The following SEMG1 variants were observed in gnomAD, a reference collection of about 807,000 sequenced individuals.
The protein encoded by SEMG1 is semenogelin-1.
A neutral mutation model predicts 8.8 loss-of-function variants in SEMG1; 6 were observed. The observed-to-expected ratio is 0.68, with a 90% CI of 0.37 to 1.35. SEMG1 has a LOEUF of 1.35. Among genes scored for constraint, SEMG1 ranks in the 40% most tolerant of loss-of-function variants. The pLI is 0.02. For synonymous variants in SEMG1, 221 were observed against 190.3 expected (o/e 1.16, Z -1.33); for missense variants, 580 against 533.6 (o/e 1.09, Z -0.86).
Position 45,208,537 on chromosome 20 carries a change from G to GA in SEMG1, c.1242dup (p.Gln415ThrfsTer7). 6.2e-7 allele frequency: 1 copy of GA among 1,614,026 alleles called. No individual in the cohort carries two copies. The highest frequency in any genetic ancestry group is 1.1e-5 in the South Asian group (1 of 91,070). On this transcript the variant is annotated frameshift_variant, in exon 2 of 3. Coordinates refer to ENST00000372781, the MANE Select transcript of SEMG1 (RefSeq NM_003007.5). LOFTEE classifies it low-confidence loss of function (END_TRUNC). ...AGAGTCTGGCCAATCTACAAATAGA[G>GA]AACAAGACCTACTCAGTCATGAACA... is the stretch of plus-strand genomic sequence containing the variant.
Position 45,207,883 on chromosome 20 carries a change from C to T in SEMG1, c.586C>T (p.Leu196Phe). The T allele has an allele frequency of 1.9e-6, 3 of 1,614,042 alleles. No individual in the cohort carries two copies. Among genetic ancestry groups the T allele is most frequent in the Non-Finnish European group, 2.5e-6 (3 of 1,179,948 alleles). The change falls in exon 2 of 3, where the codon CTC (leucine) becomes TTC (phenylalanine). Residue 196 changes from leucine (L) to phenylalanine (F), a missense_variant. Leu to Phe is a conservative substitution (Grantham distance 22). Transcript: ENST00000372781. ...AGGCGGATCCCAAAGCAGTTATGTTCTCCAAACTGAAGAGCTAGTAGCTAA... is the reference window on the plus strand; with the variant it reads ...AGGCGGATCCCAAAGCAGTTATGTTTTCCAAACTGAAGAGCTAGTAGCTAA... ...KQGGSQSSYV[L>F]QTEELVANKQ... is the part of the protein sequence containing the mutation.
chr20:45,207,312 G>A lies in SEMG1; in HGVS notation c.77-62G>A, dbSNP rs989015279. 5.5e-6 allele frequency: 8 copies of A among 1,453,022 alleles called. No individual in the cohort carries two copies. The African/African-American group carries it at 9.9e-5, about 18-fold the overall frequency. The allele number at this position is 1,453,022 out of a possible 1,614,324, so 90.0% of individuals were successfully genotyped here. A position where few individuals can be genotyped will look rare whatever the true frequency, so the allele number is the denominator to read the frequency against. On this transcript the variant is annotated intron_variant, in intron 1 of 2. Coordinates refer to ENST00000372781, the MANE Select transcript of SEMG1 (RefSeq NM_003007.5). ...TAATTTGTTGGGGGAAAAGTGGGGGGTAAGAGTTGTAAGGGAGCTTTGGAG... is the reference window on the plus strand; with the variant it reads ...TAATTTGTTGGGGGAAAAGTGGGGGATAAGAGTTGTAAGGGAGCTTTGGAG...
Position 45,208,126 on chromosome 20 carries a change from C to G in SEMG1, c.829C>G (p.Gln277Glu). 1 of 1,614,042 alleles carries G rather than the reference C, an allele frequency of 6.2e-7. No individual in the cohort carries two copies. The highest frequency in any genetic ancestry group is 8.5e-7 in the Non-Finnish European group (1 of 1,179,970). ...QHQTKNLNQD[Q>E]QHGRKANKIS... is the part of the protein sequence containing the mutation. ...CCAGACAAAAAATCTCAATCAAGAT[C>G]AACAGCATGGCCGAAAGGCAAATAA... Residue 277 changes from glutamine (Q) to glutamate (E), a missense_variant, in exon 2 of 3, where the codon CAA (glutamine) becomes GAA (glutamate). Coordinates refer to ENST00000372781, the MANE Select transcript of SEMG1 (RefSeq NM_003007.5).
At chr20:45,207,251 C>A in intron 1 of SEMG1, 122 bp downstream of exon 1, 1 of 1,485,962 alleles carries the variant, frequency 6.7e-7, no homozygotes, top group Non-Finnish European at 9.2e-7. Flanking sequence ...AATTGATTTT[C>A]TCCACCCAAA....
Position 45,208,191 on chromosome 20 carries a change from C to T in SEMG1, c.894C>T (p.Leu298=). The change falls in exon 2 of 3, where the codon CTC becomes CTT. Residue 298 remains leucine (L), a synonymous_variant. Coordinates refer to ENST00000372781, the MANE Select transcript of SEMG1 (RefSeq NM_003007.5). ...YQSSSTEERR[L]HYGENGVQKD... ...CTTCAAGTACAGAAGAAAGACGACT[C>T]CACTATGGAGAAAATGGTGTGCAGA... 1 of 1,614,032 alleles carries T rather than the reference C, an allele frequency of 6.2e-7. No homozygotes were observed. Among genetic ancestry groups the T allele is most frequent in the Non-Finnish European group, 8.5e-7 (1 of 1,179,980 alleles).
rs142276352 is a variant in SEMG1, at chr20:45,207,521, A to T, written c.224A>T (p.Asp75Val). ...TACACATATCATGTAGATGCCAATG[A>T]TCATGACCAGTCCCGAAAAAGTCAG... ...IQYTYHVDAN[D>V]HDQSRKSQQY... is the part of the protein sequence containing the mutation. The change falls in exon 2 of 3, where the codon GAT becomes GTT. Residue 75 changes from aspartate to valine, a missense_variant. Asp to Val is a radical substitution (Grantham distance 152). Coordinates refer to ENST00000372781, the MANE Select transcript of SEMG1 (RefSeq NM_003007.5). 1.1e-5 allele frequency: 18 copies of T among 1,613,928 alleles called. No homozygotes were observed. The East Asian group carries it at 3.8e-4, about 34-fold the overall frequency.
chr20:45,208,406 C>T lies in SEMG1; in HGVS notation c.1109C>T (p.Ser370Phe). ...YGENGVQKDV[S>F]QRSIYSQTEK... ...GAAAATGGTGTGCAGAAAGATGTAT[C>T]CCAACGCAGTATTTATAGCCAAACT... The change falls in exon 2 of 3, where the codon TCC becomes TTC. Residue 370 changes from serine (S) to phenylalanine (F), a missense_variant. By Grantham distance (155) the Ser-to-Phe change is radical. Coordinates refer to ENST00000372781, the MANE Select transcript of SEMG1 (RefSeq NM_003007.5). 2 of 1,613,982 alleles carry T rather than the reference C, an allele frequency of 1.2e-6. No individual in the cohort carries two copies. Among genetic ancestry groups the T allele is most frequent in the Non-Finnish European group, 1.7e-6 (2 of 1,179,958 alleles).
At position 45,207,875 on chromosome 20, in the gene SEMG1, G is replaced by A. The variant is rs75447646; in HGVS notation, c.578G>A (p.Ser193Asn). 5.6e-6 allele frequency: 9 copies of A among 1,614,026 alleles called. No individual in the cohort carries two copies. In the East Asian group the frequency reaches 2.0e-4, roughly 36 times the overall value. Residue 193 changes from serine to asparagine, a missense_variant, in exon 2 of 3, where the codon AGT becomes AAT. Physicochemically the swap from Ser to Asn is conservative, Grantham distance 46. Transcript: ENST00000372781. The part of the protein sequence containing the change: ...KGRKQGGSQS[S>N]YVLQTEELVA... ...AGAAAACAAGGCGGATCCCAAAGCA[G>A]TTATGTTCTCCAAACTGAAGAGCTA... is the stretch of plus-strand genomic sequence containing the variant.
chr20:45,207,798 G>A lies in SEMG1; in HGVS notation c.501G>A (p.Trp167Ter), dbSNP rs771471850. 1 of 1,613,922 alleles carries A rather than the reference G, an allele frequency of 6.2e-7. No individual in the cohort carries two copies. The highest frequency in any genetic ancestry group is 8.5e-7 in the Non-Finnish European group (1 of 1,179,928). Residue 167 changes from tryptophan to a stop codon, truncating the protein, a stop_gained, in exon 2 of 3, where the codon TGG becomes TGA. Coordinates refer to ENST00000372781, the MANE Select transcript of SEMG1 (RefSeq NM_003007.5). LOFTEE classifies it low-confidence loss of function (END_TRUNC). Reference sequence around the variant, plus strand: ...ATTCAAACACAGAAGAAAGGCTGTGGGTTCATGGACTAAGTAAAGAACAAA... The same window carrying A: ...ATTCAAACACAGAAGAAAGGCTGTGAGTTCATGGACTAAGTAAAGAACAAA... ...SQYSNTEERL[W>*]VHGLSKEQTS...
At chr20:45,208,976 A>AT (rs1568836264) in intron 2 of SEMG1, among the ~76,000 whole-genome samples, 2 of 151,344 alleles carry the variant, frequency 1.3e-5, no homozygotes, top group African/African-American at 2.4e-5. Flanking sequence ...CTTCAATAAT[A>AT]TTTTTTTGTA....
rs1383997325 is a variant in SEMG1 at position 45,208,242 on chromosome 20, T to C, written c.945T>C (p.Tyr315=). The change falls in exon 2 of 3, where the codon TAT becomes TAC. Residue 315 remains tyrosine (Y), a synonymous_variant. Transcript: ENST00000372781. The stretch of plus-strand genomic sequence containing the variant: ...AAGATGTATCCCAAAGCAGTATTTA[T>C]AGCCAAACTGAAGAGAAAGCACAGG... The part of the protein sequence containing the change: ...VQKDVSQSSI[Y]SQTEEKAQGK... The C allele has an allele frequency of 6.2e-6, 10 of 1,611,890 alleles. 1 individual carries two copies. In the Admixed American group the frequency reaches 1.7e-4, roughly 27 times the overall value.
rs1208359628 is a variant in SEMG1 at position 45,207,813 on chromosome 20, T to C, written c.516T>C (p.Ser172=). Reference sequence around the variant, plus strand: ...AAAGGCTGTGGGTTCATGGACTAAGTAAAGAACAAACTTCCGTCTCTGGTG... The same window carrying C: ...AAAGGCTGTGGGTTCATGGACTAAGCAAAGAACAAACTTCCGTCTCTGGTG... The part of the protein sequence containing the change: ...TEERLWVHGL[S]KEQTSVSGAQ... The change falls in exon 2 of 3, where the codon AGT becomes AGC. Residue 172 remains serine, a synonymous_variant. Coordinates refer to ENST00000372781, the MANE Select transcript of SEMG1 (RefSeq NM_003007.5). 2.5e-6 allele frequency: 4 copies of C among 1,613,858 alleles called. No homozygotes were observed. Among genetic ancestry groups the C allele is most frequent in the Non-Finnish European group, 3.4e-6 (4 of 1,179,948 alleles).
rs532260676 is a variant in SEMG1, at chr20:45,207,951, G to A, written c.654G>A (p.Gly218=). The A allele has an allele frequency of 6.1e-5, 99 of 1,613,906 alleles. No homozygotes were observed. In the South Asian group the frequency reaches 1.0e-3, roughly 17 times the overall value. ...RETKNSHQNK[G]HYQNVVEVRE... The stretch of plus-strand genomic sequence containing the variant: ...CTAAAAATTCTCATCAAAATAAAGG[G>A]CATTACCAAAATGTGGTTGAAGTGA... The change falls in exon 2 of 3, where the codon GGG becomes GGA. Residue 218 remains glycine, a synonymous_variant. Transcript: ENST00000372781.
rs201548206 is a variant in SEMG1, at chr20:45,208,295, C to T, written c.998C>T (p.Pro333Leu). The T allele has an allele frequency of 6.2e-7, 1 of 1,609,396 alleles. No individual in the cohort carries two copies. The highest frequency in any genetic ancestry group is 8.5e-7 in the Non-Finnish European group (1 of 1,178,158). ...QGKSQKQITI[P>L]SQEQEHSQKA... is the part of the protein sequence containing the mutation. ...AAGTCTCAAAAACAGATAACAATTC[C>T]CAGTCAAGAGCAAGAGCATAGCCAA... The change falls in exon 2 of 3, where the codon CCC becomes CTC. Residue 333 changes from proline to leucine, a missense_variant. Transcript: ENST00000372781.
In SEMG1 at chr20:45,207,758, G is replaced by A. The variant is rs1158004500; in HGVS notation, c.461G>A (p.Gly154Glu). 6.2e-7 allele frequency: 1 copy of A among 1,613,966 alleles called. No individual in the cohort carries two copies. The highest frequency in any genetic ancestry group is 8.5e-7 in the Non-Finnish European group (1 of 1,179,942). Residue 154 changes from glycine to glutamate, a missense_variant, in exon 2 of 3, where the codon GGA becomes GAA. Transcript: ENST00000372781. ...QDQGNSPSGK[G>E]ISSQYSNTEE... ...CAGGGGAATAGCCCATCTGGAAAGG[G>A]AATATCCAGTCAATATTCAAACACA...
Position 45,207,429 on chromosome 20 carries a change from G to C in SEMG1, c.132G>C (p.Lys44Asn), listed in dbSNP as rs748841177. Residue 44 changes from lysine to asparagine, a missense_variant, in exon 2 of 3, where the codon AAG becomes AAC. Lys to Asn is a moderately conservative substitution (Grantham distance 94). Transcript: ENST00000372781. ...SEFSQFPHGQ[K>N]GQHYSGQKGK... ...TTTCCCAATTTCCACACGGACAAAA[G>C]GGCCAGCACTATTCTGGACAAAAAG... 2 of 1,612,462 alleles carry C rather than the reference G, an allele frequency of 1.2e-6. No individual in the cohort carries two copies. Among genetic ancestry groups the C allele is most frequent in the Non-Finnish European group, 1.7e-6 (2 of 1,179,536 alleles).
At chr20:45,207,326 G>A (rs1983713551) in intron 1 of SEMG1, 48 bp from the exon 2 acceptor site, 1 of 1,492,798 alleles carries the variant, frequency 6.7e-7, no homozygotes, top group South Asian at 1.3e-5. Context: ...GAGTTGTAAG[G>A]GAGCTTTGGA....
chr20:45,208,762 C>A (rs1983778271), intron 2 of SEMG1, 32 bp downstream of exon 2: 4 of 989,320 alleles, frequency 4.0e-6, no homozygotes, highest in Non-Finnish European at 6.1e-6. Flanking sequence ...GGGGAGATAT[C>A]TCTCTCATTG....
chr20:45,208,359 A>G lies in SEMG1; in HGVS notation c.1062A>G (p.Glu354=), dbSNP rs554594491. 6.2e-7 allele frequency: 1 copy of G among 1,612,710 alleles called. No homozygotes were observed. Among genetic ancestry groups the G allele is most frequent in the African/African-American group, 1.3e-5 (1 of 74,958 alleles). The stretch of plus-strand genomic sequence containing the variant: ...TATCATACCAATCTTCAAGTACGGA[A>G]GAAAGACGACTCCACTATGGAGAAA... ...NKISYQSSST[E]ERRLHYGENG... Residue 354 remains glutamate, a synonymous_variant, in exon 2 of 3, where the codon GAA becomes GAG. Coordinates refer to ENST00000372781, the MANE Select transcript of SEMG1 (RefSeq NM_003007.5).
Sources: gnomAD v4.1 joint callset for allele counts (sites outside exome capture counted in the v4.1 genomes callset) on GRCh38, gnomAD v4.1.1 for gene constraint, MANE v1.5 for transcripts, NCBI Gene and HGNC (gene_info 2026-07-23, HGNC 2026-07-21) for gene names.